Variants in FBXL17 observed in about 807,000 individuals in gnomAD.
FBXL17 encodes the protein F-box and leucine rich repeat protein 17, also known as F-box/LRR-repeat protein 17.
FBXL17 carries 22 observed loss-of-function variants against 66.2 expected under a neutral mutation model. That is an observed-to-expected ratio of 0.33 (90% CI 0.24 to 0.47). FBXL17 has a LOEUF of 0.47. Among genes scored for constraint, FBXL17 ranks in the 20% least tolerant of loss-of-function variants. The pLI is 1.00. For missense variants in FBXL17, 878 were observed against 948.2 expected, an observed-to-expected ratio of 0.93 and a Z score of 0.97; for synonymous variants, 474 against 400.5, an observed-to-expected ratio of 1.18 and a Z score of -2.19.
At chr5:108,355,822 A>T (rs2112519952) in intron 3 of FBXL17, among the ~76,000 whole-genome samples, 1 of 152,318 alleles carries the variant, frequency 6.6e-6, no homozygotes, top group Non-Finnish European at 1.5e-5. Flanking sequence ...CAAAAATATT[A>T]GCAAAGAACT....
At chr5:108,199,565 C>T (rs893174802) in intron 5 of FBXL17, among the ~76,000 whole-genome samples, 10 of 152,080 alleles carry the variant, frequency 6.6e-5, no homozygotes, top group Admixed American at 3.9e-4. Flanking sequence ...CCTGAGCTTA[C>T]GTTTCTAGCT....
chr5:108,076,204 T>G (rs1223242302), intron 6 of FBXL17, among the ~76,000 whole-genome samples: 1 of 152,222 alleles, frequency 6.6e-6, no homozygotes, highest in African/African-American at 2.4e-5. Context: ...TCTTTGGATG[T>G]GAGCTTTTCA....
intron 1 of FBXL17, among the ~76,000 whole-genome samples, chr5:108,372,853 G>A (rs1306666189): frequency 6.6e-6 from 1 of 152,086 alleles, no homozygotes; most frequent in East Asian, 1.9e-4. Flanking sequence ...GTAATTGTTG[G>A]TATTTACATA....
chr5:107,898,862 T>G (rs529467126), intron 7 of FBXL17, among the ~76,000 whole-genome samples: 42 of 152,318 alleles, frequency 2.8e-4, no homozygotes, highest in Non-Finnish European at 3.8e-4. Flanking sequence ...CTTTATCCAG[T>G]CTATCATTGA....
At chr5:108,266,630 A>G (rs566867315) in intron 4 of FBXL17, among the ~76,000 whole-genome samples, 1 of 152,264 alleles carries the variant, frequency 6.6e-6, no homozygotes, top group African/African-American at 2.4e-5. Flanking sequence ...GTAAAAAGGT[A>G]GCAGTTTTGG....
intron 6 of FBXL17, among the ~76,000 whole-genome samples, chr5:108,058,472 C>T: frequency 6.7e-6 from 1 of 148,688 alleles, no homozygotes; most frequent in Admixed American, 6.7e-5. Flanking sequence ...TCTCTCTCTC[C>T]TTTTCTTTCT....
chr5:107,904,011 A>G (rs1315757868), intron 7 of FBXL17, among the ~76,000 whole-genome samples: 1 of 152,192 alleles, frequency 6.6e-6, no homozygotes, highest in Non-Finnish European at 1.5e-5. Flanking sequence ...TATGAGAATT[A>G]CATTTTGACT....
chr5:108,194,654 A>G lies in FBXL17; in HGVS notation c.1615-8407T>C, dbSNP rs948433563. Among the ~76,000 whole-genome samples the G allele has an allele frequency of 3.9e-5, 6 of 152,212 alleles. No individual in the cohort carries two copies. The East Asian group carries it at 7.7e-4, about 20-fold the overall frequency. On this transcript the variant is annotated intron_variant, in intron 5 of 8. Transcript: ENST00000542267. ...TCTCATCACAAACATCTGAAATCTA[A>G]TCTTAATGCTTGGCCTAATCTGAGT...
intron 3 of FBXL17, among the ~76,000 whole-genome samples, 194 bp downstream of exon 3, chr5:108,364,544 C>A (rs890084307): frequency 5.9e-5 from 9 of 151,894 alleles, no homozygotes; most frequent in African/African-American, 2.2e-4. Flanking sequence ...CACTATAAAA[C>A]AAAGCAGTTA....
chr5:108,201,794 A>G (rs549435382), intron 5 of FBXL17, among the ~76,000 whole-genome samples: 1 of 150,744 alleles, frequency 6.6e-6, no homozygotes, highest in Admixed American at 6.6e-5. Context: ...GGGGAAGTAG[A>G]GTGACACTGA....
chr5:108,165,247 G>C (rs1476685723), intron 6 of FBXL17, among the ~76,000 whole-genome samples: 2 of 152,110 alleles, frequency 1.3e-5, no homozygotes, highest in Non-Finnish European at 2.9e-5. Context: ...TTGAGTGACA[G>C]GCACCAATTG....
intron 7 of FBXL17, among the ~76,000 whole-genome samples, chr5:107,928,193 A>T (rs376207275): frequency 6.6e-6 from 1 of 152,072 alleles, no homozygotes; most frequent in African/African-American, 2.4e-5. Context: ...ACACACAAAG[A>T]AAAAATAGGA....
At chr5:108,090,260 T>C (rs1240601286) in intron 6 of FBXL17, among the ~76,000 whole-genome samples, 1 of 152,202 alleles carries the variant, frequency 6.6e-6, no homozygotes, top group Non-Finnish European at 1.5e-5. Flanking sequence ...ATGCTTCCCA[T>C]GTATGAATTT....
At chr5:108,322,970 T>C (rs371063659) in intron 4 of FBXL17, among the ~76,000 whole-genome samples, 1 of 152,050 alleles carries the variant, frequency 6.6e-6, no homozygotes, top group African/African-American at 2.4e-5. Flanking sequence ...CAACAAAAAC[T>C]GACAGAAAGG....
intron 4 of FBXL17, among the ~76,000 whole-genome samples, chr5:108,294,599 T>G (rs1758269013): frequency 6.6e-6 from 1 of 152,004 alleles, no homozygotes; most frequent in African/African-American, 2.4e-5. Context: ...AATCTCAAAC[T>G]GAAGAAATCA....
intron 2 of FBXL17, among the ~76,000 whole-genome samples, chr5:108,367,249 T>C (rs982196930): frequency 6.6e-6 from 1 of 152,038 alleles, no homozygotes; most frequent in African/African-American, 2.4e-5. Context: ...CACTACAAAC[T>C]CTTTTTTCCT....
chr5:108,015,267 T>C (rs1754337765), intron 7 of FBXL17, among the ~76,000 whole-genome samples: 1 of 152,158 alleles, frequency 6.6e-6, no homozygotes, highest in African/African-American at 2.4e-5. Context: ...TACTATTTTG[T>C]TAGAAACAAT....
chr5:107,870,977 G>A (rs1230177093), intron 8 of FBXL17, among the ~76,000 whole-genome samples: 1 of 146,988 alleles, frequency 6.8e-6, no homozygotes, highest in Non-Finnish European at 1.5e-5. Flanking sequence ...AACGCTTCAT[G>A]CATGAACCTC....
chr5:107,989,813 T>C (rs556496988), intron 7 of FBXL17, among the ~76,000 whole-genome samples: 1 of 152,282 alleles, frequency 6.6e-6, no homozygotes, highest in East Asian at 1.9e-4. Context: ...GTAATATTTC[T>C]ACATAAATAA....
Sources: allele counts gnomAD v4.1 joint callset (sites outside exome capture counted in the v4.1 genomes callset), GRCh38; gene constraint gnomAD v4.1.1; transcripts MANE v1.5; gene names NCBI Gene and HGNC (gene_info 2026-07-23, HGNC 2026-07-21).